Variants in DNAJA3 observed in about 807,000 individuals in gnomAD.
DNAJA3 encodes the protein dnaJ homolog subfamily A member 3, mitochondrial.
A neutral mutation model predicts 54.9 loss-of-function variants in DNAJA3; 29 were observed. The ratio of observed to expected loss-of-function variants is 0.53; its 90% CI spans 0.39 to 0.72. The LOEUF is 0.72. Ranked by LOEUF, DNAJA3 falls within the 30% of genes least tolerant of loss-of-function variation. DNAJA3 has a pLI of 0.00. For missense variants in DNAJA3, 708 were observed against 639.4 expected (o/e 1.11, Z -1.16); for synonymous variants, 302 against 251.4 (o/e 1.20, Z -1.90).
intron 5 of DNAJA3, 143 bp from the exon 6 acceptor site, chr16:4,442,873 TG>T: frequency 2.4e-6 from 2 of 835,816 alleles, no homozygotes; most frequent in Non-Finnish European, 3.7e-6. Context: ...GCCCTGCACC[TG>T]GGTTCCTAGG....
chr16:4,432,335 C>A (rs989058530), intron 1 of DNAJA3, among the ~76,000 whole-genome samples: 6 of 73,226 alleles, frequency 8.2e-5, no homozygotes, highest in Admixed American at 2.7e-4. Flanking sequence ...ATTTTTCTTT[C>A]TTTTTTTTTT....
chr16:4,434,152 G>T lies in DNAJA3; in HGVS notation c.212-232G>T, dbSNP rs1243785570. 8 of 506,008 alleles carry T rather than the reference G, an allele frequency of 1.6e-5. No individual in the cohort carries two copies. In the East Asian group the frequency reaches 2.6e-4, roughly 16 times the overall value. 31.3% of individuals were successfully genotyped at this position (506,008 alleles called of 1,614,324 possible). ...ATCTCATGAGAACTTACTATCGCGA[G>T]ACCAGCATGGAGGTAACCGCTCCTG... is the stretch of plus-strand genomic sequence containing the variant. On this transcript the variant is annotated intron_variant, in intron 1 of 11. Transcript: ENST00000262375.
intron 6 of DNAJA3, among the ~76,000 whole-genome samples, chr16:4,444,343 TTC>T (rs1641780473): frequency 2.0e-5 from 3 of 150,664 alleles, no homozygotes; most frequent in Admixed American, 1.3e-4. Flanking sequence ...TCTTTTTCTT[TTC>T]TTTTTTTTTT....
intron 3 of DNAJA3, 22 bp from the exon 4 acceptor site, chr16:4,441,353 G>C: frequency 6.2e-7 from 1 of 1,600,562 alleles, no homozygotes; most frequent in Non-Finnish European, 8.5e-7. Context: ...GGGATGCCCA[G>C]TGGCTCTGCC....
intron 10 of DNAJA3, among the ~76,000 whole-genome samples, chr16:4,452,736 CTG>C (rs1375174553): frequency 3.3e-5 from 5 of 152,186 alleles, no homozygotes; most frequent in African/African-American, 1.2e-4. Flanking sequence ...TAGCGAGACT[CTG>C]TCTCTACAAA....
chr16:4,438,083 G>C (rs1481034760), intron 3 of DNAJA3, among the ~76,000 whole-genome samples: 1 of 152,124 alleles, frequency 6.6e-6, no homozygotes, highest in African/African-American at 2.4e-5. Context: ...TTGGGAGGCC[G>C]AGGCAGGTGG....
intron 3 of DNAJA3, among the ~76,000 whole-genome samples, chr16:4,438,333 A>G (rs1243100365): frequency 1.3e-5 from 2 of 152,022 alleles, no homozygotes; most frequent in African/African-American, 4.8e-5. Context: ...AAAAAAAAGA[A>G]CAGGATCCAA....
In DNAJA3 at chr16:4,450,478, C is replaced by T. The variant is rs376134471; in HGVS notation, c.1320C>T (p.Gly440=). The change falls in exon 10 of 12, where the codon GGC becomes GGT. Residue 440 remains glycine, a synonymous_variant. Transcript: ENST00000262375. ...CAGATGTGGAGGGGACGGTGAACGG[C>T]GTCACCCTCACCAGCTCTGGTAAGG... ...DETDVEGTVN[G]VTLTSSGGST... The T allele has an allele frequency of 2.2e-5, 36 of 1,609,874 alleles. No individual in the cohort carries two copies. The Middle Eastern group carries it at 1.2e-3, about 52-fold the overall frequency.
At chr16:4,434,997 A>G (rs930825785) in intron 2 of DNAJA3, among the ~76,000 whole-genome samples, 2 of 148,264 alleles carry the variant, frequency 1.3e-5, no homozygotes, top group African/African-American at 2.5e-5. Flanking sequence ...CCTGGGTTCA[A>G]GCAGTTCTCC....
intron 3 of DNAJA3, among the ~76,000 whole-genome samples, chr16:4,439,542 CG>C (rs964031560): frequency 3.3e-5 from 5 of 151,816 alleles, no homozygotes; most frequent in African/African-American, 1.2e-4. Context: ...TTTAATGGGG[CG>C]GGGGGGTGTT....
At position 4,442,444 on chromosome 16, in the gene DNAJA3, C is replaced by T. The variant is rs937592200; in HGVS notation, c.783+24C>T. On this transcript the variant is annotated intron_variant, in intron 5 of 11. Coordinates refer to ENST00000262375, the MANE Select transcript of DNAJA3 (RefSeq NM_005147.6). ...TGGTAAGGCTCTGCCCGAGACTCCA[C>T]CTCCCACGGCTTGCACCACTGACTG... 3.2e-6 allele frequency: 5 copies of T among 1,558,698 alleles called. No individual in the cohort carries two copies. The African/African-American group carries it at 6.8e-5, about 21-fold the overall frequency.
chr16:4,441,565 A>T lies in DNAJA3; in HGVS notation c.620A>T (p.Gln207Leu). Residue 207 changes from glutamine to leucine, a missense_variant, in exon 4 of 12, where the codon CAG becomes CTG. Coordinates refer to ENST00000262375, the MANE Select transcript of DNAJA3 (RefSeq NM_005147.6). Reference sequence around the variant, plus strand: ...GGAGATTTCCAGACCGTGTTTGATCAGCCTCAGGAAGTAAGTTCCTCACTT... The same window carrying T: ...GGAGATTTCCAGACCGTGTTTGATCTGCCTCAGGAAGTAAGTTCCTCACTT... Reference protein sequence around the residue: ...SFGDFQTVFDQPQEYFMELTF... With the variant: ...SFGDFQTVFDLPQEYFMELTF... 1 of 1,613,762 alleles carries T rather than the reference A, an allele frequency of 6.2e-7. No homozygotes were observed. Among genetic ancestry groups the T allele is most frequent in the Non-Finnish European group, 8.5e-7 (1 of 1,179,934 alleles).
chr16:4,442,182 C>T, intron 4 of DNAJA3, 86 bp from the exon 5 acceptor site: 1 of 1,399,250 alleles, frequency 7.1e-7, no homozygotes, highest in South Asian at 1.5e-5. Context: ...AAAATGTGGG[C>T]CAGTACCCTC....
chr16:4,441,083 G>A, intron 3 of DNAJA3: 1 of 475,512 alleles, frequency 2.1e-6, no homozygotes, highest in South Asian at 3.4e-5. Context: ...AAGAATCCAG[G>A]GTGCCTGTGA....
In DNAJA3 at chr16:4,428,617, A is replaced by G. The variant is rs183641688; in HGVS notation, c.211+2525A>G. Among the ~76,000 whole-genome samples the G allele has an allele frequency of 4.6e-3, 697 of 152,352 alleles. 6 individuals carry two copies. Among genetic ancestry groups the G allele is most frequent in the Non-Finnish European group, 6.5e-3 (443 of 68,036 alleles). ...CTAAGCTTTGTGTGAAGCTGTGACTAAGGAACTGCGGTTAGCTGTCTTGTT... is the reference window on the plus strand; with the variant it reads ...CTAAGCTTTGTGTGAAGCTGTGACTGAGGAACTGCGGTTAGCTGTCTTGTT... On this transcript the variant is annotated intron_variant, in intron 1 of 11. Transcript: ENST00000262375.
chr16:4,451,115 TG>T (rs2056973013), intron 10 of DNAJA3, among the ~76,000 whole-genome samples: 1 of 152,160 alleles, frequency 6.6e-6, no homozygotes, highest in Admixed American at 6.5e-5. Flanking sequence ...GCTGAGACAA[TG>T]GCACCCCAGC....
chr16:4,435,036 A>G (rs948212007), intron 2 of DNAJA3, among the ~76,000 whole-genome samples: 1 of 151,858 alleles, frequency 6.6e-6, no homozygotes, highest in African/African-American at 2.4e-5. Flanking sequence ...AGCTGGGACT[A>G]TAGGCACCTG....
chr16:4,450,525 C>A (rs753816175), intron 10 of DNAJA3, 28 bp downstream of exon 10: 2 of 1,557,530 alleles, frequency 1.3e-6, no homozygotes, highest in Non-Finnish European at 1.8e-6. Flanking sequence ...TACATGGTGA[C>A]ACGTGGGGGC....
In DNAJA3 at chr16:4,455,590, C is replaced by A; in HGVS notation, c.*58C>A. 1 of 1,551,784 alleles carries A rather than the reference C, an allele frequency of 6.4e-7. No homozygotes were observed. The highest frequency in any genetic ancestry group is 8.7e-7 in the Non-Finnish European group (1 of 1,146,988). On this transcript the variant is annotated 3_prime_UTR_variant, in exon 12 of 12. Coordinates refer to ENST00000262375, the MANE Select transcript of DNAJA3 (RefSeq NM_005147.6). ...CTAGGCCGGGAAGCAGCAGCCCCTC[C>A]AAGGGCCAGGGCACCTGGGAGACGG... is the stretch of plus-strand genomic sequence containing the variant.
Sources: gnomAD v4.1 joint callset for allele counts (sites outside exome capture counted in the v4.1 genomes callset) on GRCh38, gnomAD v4.1.1 for gene constraint, MANE v1.5 for transcripts, NCBI Gene and HGNC (gene_info 2026-07-23, HGNC 2026-07-21) for gene names.